The following TBC1D31 variants were observed in gnomAD, a reference collection of about 807,000 sequenced individuals.
TBC1D31 encodes the protein WD repeat domain 67.
TBC1D31 carries 99 observed loss-of-function variants against 132.9 expected under a neutral mutation model. The ratio of observed to expected loss-of-function variants is 0.74; its 90% CI spans 0.63 to 0.88. The LOEUF is 0.88. Among genes scored for constraint, TBC1D31 ranks in the 40% least tolerant of loss-of-function variants. TBC1D31 has a pLI of 0.00. For synonymous variants in TBC1D31, 385 were observed against 419.4 expected, an observed-to-expected ratio of 0.92 and a Z score of 1.00; for missense variants, 1,134 against 1,256.6, an observed-to-expected ratio of 0.90 and a Z score of 1.48.
intron 17 of TBC1D31, among the ~76,000 whole-genome samples, chr8:123,136,666 G>A (rs2130865947): frequency 6.6e-6 from 1 of 152,202 alleles, no homozygotes; most frequent in Admixed American, 6.5e-5. Flanking sequence ...GGCCAGCCTG[G>A]TTTCAAACTC....
At chr8:123,088,962 G>C (rs1816062865) in intron 4 of TBC1D31, among the ~76,000 whole-genome samples, 1 of 152,162 alleles carries the variant, frequency 6.6e-6, no homozygotes, top group South Asian at 2.1e-4. Flanking sequence ...AAAGGTTTGA[G>C]TAGATTCCTG....
intron 1 of TBC1D31, 30 bp from the exon 2 acceptor site, chr8:123,077,081 A>G (rs1223971483): frequency 6.4e-7 from 1 of 1,559,368 alleles, no homozygotes; most frequent in Admixed American, 2.0e-5. Context: ...CGTGACATAG[A>G]TTCAATGTTT....
At chr8:123,144,022 T>A (rs1028882144) in intron 19 of TBC1D31, among the ~76,000 whole-genome samples, 3 of 152,150 alleles carry the variant, frequency 2.0e-5, no homozygotes, top group African/African-American at 7.2e-5. Context: ...ATCAGTAACA[T>A]GAAAGGGATG....
chr8:123,107,410 A>T (rs1164361839), intron 8 of TBC1D31, among the ~76,000 whole-genome samples: 3 of 152,146 alleles, frequency 2.0e-5, no homozygotes, highest in Non-Finnish European at 4.4e-5. Context: ...CTTTTGTGTT[A>T]ATTATGCCGT....
At chr8:123,073,743 T>C (rs1452082136) in intron 1 of TBC1D31, among the ~76,000 whole-genome samples, 1 of 152,214 alleles carries the variant, frequency 6.6e-6, no homozygotes, top group Non-Finnish European at 1.5e-5. Context: ...TGGGGTGCAG[T>C]GGCGCGACCT....
intron 17 of TBC1D31, among the ~76,000 whole-genome samples, chr8:123,136,725 C>T (rs1010205675): frequency 8.5e-5 from 13 of 152,200 alleles, no homozygotes; most frequent in African/African-American, 3.1e-4. Flanking sequence ...GCTGGGATTA[C>T]AGGTGTGAGT....
chr8:123,101,145 C>T (rs1817374560), intron 7 of TBC1D31, 138 bp downstream of exon 7: 2 of 662,112 alleles, frequency 3.0e-6, no homozygotes, highest in African/African-American at 3.6e-5. Context: ...GTTGCTCTTA[C>T]TCCCAAAGCC....
downstream of TBC1D31, among the ~76,000 whole-genome samples, chr8:123,154,679 G>A (rs776101541): frequency 3.3e-5 from 5 of 152,200 alleles, no homozygotes; most frequent in Admixed American, 1.3e-4. Flanking sequence ...GGGTGGTACT[G>A]CTGGCATGAG....
At chr8:123,141,242 T>C (rs1385593923) in intron 18 of TBC1D31, among the ~76,000 whole-genome samples, 1 of 152,216 alleles carries the variant, frequency 6.6e-6, no homozygotes, top group Non-Finnish European at 1.5e-5. Context: ...CAAATTTTAC[T>C]GTCCTTCTGT....
chr8:123,140,367 A>T (rs1358148162), intron 17 of TBC1D31, among the ~76,000 whole-genome samples: 1 of 152,158 alleles, frequency 6.6e-6, no homozygotes, highest in South Asian at 2.1e-4. Context: ...GTCTCAAAAA[A>T]TAAAAAGACT....
intron 10 of TBC1D31, among the ~76,000 whole-genome samples, chr8:123,111,762 G>A (rs1174333227): frequency 6.6e-6 from 1 of 151,988 alleles, no homozygotes; most frequent in Non-Finnish European, 1.5e-5. Flanking sequence ...TGAATATTAT[G>A]ATTATTGAAA....
At chr8:123,098,541 G>A (rs537169462) in intron 6 of TBC1D31, among the ~76,000 whole-genome samples, 30 of 152,334 alleles carry the variant, frequency 2.0e-4, no homozygotes, top group Non-Finnish European at 4.0e-4. Flanking sequence ...ACCTGCCTCA[G>A]CCTCCCAAAG....
the TBC1D31 span, among the ~76,000 whole-genome samples, chr8:123,159,013 G>C: frequency 0.01 from 1,530 of 152,234 alleles, 27 homozygotes; most frequent in African/African-American, 0.035. Flanking sequence ...GACCCAGGGG[G>C]CTTACTCCCT....
downstream of TBC1D31, among the ~76,000 whole-genome samples, chr8:123,156,975 C>CCAAGGG (rs112129153): frequency 1.1e-4 from 17 of 152,284 alleles, no homozygotes; most frequent in African/African-American, 2.6e-4. Context: ...CGGCCAGTGC[C>CCAAGGG]CAAGGGCAAG....
chr8:123,114,604 G>A (rs190233924), intron 10 of TBC1D31, among the ~76,000 whole-genome samples: 39 of 152,170 alleles, frequency 2.6e-4, no homozygotes, highest in Admixed American at 6.5e-4. Flanking sequence ...TTACAGGTGT[G>A]AGTCACTGCA....
intron 17 of TBC1D31, 39 bp from the exon 18 acceptor site, chr8:123,140,722 T>C (rs1395778689): frequency 1.3e-6 from 2 of 1,535,402 alleles, no homozygotes; most frequent in East Asian, 2.3e-5. Flanking sequence ...TCTAGCGTTA[T>C]ATAAATTAGT....
intron 2 of TBC1D31, among the ~76,000 whole-genome samples, chr8:123,077,703 A>C (rs1254898863): frequency 6.6e-6 from 1 of 152,018 alleles, no homozygotes; most frequent in Non-Finnish European, 1.5e-5. Context: ...TAGAAATAAC[A>C]CAGTTTTCTT....
chr8:123,147,157 T>A (rs1215212354), intron 20 of TBC1D31, among the ~76,000 whole-genome samples: 1 of 150,252 alleles, frequency 6.7e-6, no homozygotes, highest in Non-Finnish European at 1.5e-5. Flanking sequence ...CTCTCACACT[T>A]ACCCTTGTTT....
chr8:123,126,426 A>G lies in TBC1D31; in HGVS notation c.1705-82A>G, dbSNP rs192890746. ...ATTTAATATGATTTTCATAGCTTAA[A>G]TCGAATGTAAGGGAATATTACCAAT... On this transcript the variant is annotated intron_variant, in intron 12 of 21. Coordinates refer to ENST00000287380, the MANE Select transcript of TBC1D31 (RefSeq NM_145647.4). 5.3e-5 allele frequency: 71 copies of G among 1,329,284 alleles called. 1 individual carries two copies. The Admixed American group carries it at 1.3e-3, about 24-fold the overall frequency. The allele number at this position is 1,329,284 out of a possible 1,614,324, so 82.3% of individuals were successfully genotyped here.
Sources: allele counts gnomAD v4.1 joint callset (sites outside exome capture counted in the v4.1 genomes callset), GRCh38; gene constraint gnomAD v4.1.1; transcripts MANE v1.5; gene names NCBI Gene and HGNC (gene_info 2026-07-23, HGNC 2026-07-21).